CDSN: variants seen among roughly 807,000 people sequenced by gnomAD.
CDSN encodes the protein corneodesmosin.
A neutral mutation model predicts 25.6 loss-of-function variants in CDSN; 11 were observed. The observed-to-expected ratio is 0.43, with a 90% CI of 0.27 to 0.71. The LOEUF is 0.71. Ranked by LOEUF, CDSN falls within the 30% of genes least tolerant of loss-of-function variation. The probability of loss-of-function intolerance (pLI) is 0.20; values close to 1 mark genes in which losing one functional copy is unlikely to be tolerated. For missense variants in CDSN, 598 were observed against 670.9 expected, an observed-to-expected ratio of 0.89 and a Z score of 1.20; for synonymous variants, 266 against 267.4, an observed-to-expected ratio of 0.99 and a Z score of 0.05.
rs773294517 is a variant in CDSN at position 31,116,398 on chromosome 6, C to G, written c.1217G>C (p.Ser406Thr). The change falls in exon 2 of 2, where the codon AGC (serine) becomes ACC (threonine). Residue 406 changes from serine to threonine, a missense_variant. Coordinates refer to ENST00000376288, the MANE Select transcript of CDSN (RefSeq NM_001264.5). The part of the protein sequence containing the change: ...SRVPSSSSIS[S>T]SSGLPYHPCG... Reference sequence around the variant, plus strand: ...GGGATGGTAGGGTAAACCGGAGCTGCTGGAAATGCTAGAACTGCTGGGGAC... The same window carrying G: ...GGGATGGTAGGGTAAACCGGAGCTGGTGGAAATGCTAGAACTGCTGGGGAC... 1.3e-5 allele frequency: 20 copies of G among 1,599,108 alleles called. No homozygotes were observed. The highest frequency in any genetic ancestry group is 1.7e-5 in the Non-Finnish European group (20 of 1,172,882).
In CDSN at chr6:31,116,725, T is replaced by C; in HGVS notation, c.890A>G (p.Glu297Gly). Reference protein sequence around the residue: ...TSVDKSYGGYEVVGGSSDSYL... With the variant: ...TSVDKSYGGYGVVGGSSDSYL... ...ACTGTCAGAGGAGCCACCCACCACC[T>C]CGTAGCCACCATAGGATTTGTCTAC... The change falls in exon 2 of 2, where the codon GAG becomes GGG. Residue 297 changes from glutamate to glycine, a missense_variant. By Grantham distance (98) the Glu-to-Gly change is moderately conservative. Coordinates refer to ENST00000376288, the MANE Select transcript of CDSN (RefSeq NM_001264.5). 1.2e-6 allele frequency: 2 copies of C among 1,612,824 alleles called. No individual in the cohort carries two copies. The highest frequency in any genetic ancestry group is 1.7e-6 in the Non-Finnish European group (2 of 1,180,000).
intron 1 of CDSN, among the ~76,000 whole-genome samples, chr6:31,119,750 A>AG (rs1772362274): frequency 2.0e-5 from 3 of 151,664 alleles, no homozygotes; most frequent in South Asian, 2.1e-4. Flanking sequence ...ATACAAAAAA[A>AG]AGAAAATTAG....
In CDSN at chr6:31,115,845, G is replaced by A. The variant is rs1772078655; in HGVS notation, c.*180C>T. 12 of 602,062 alleles carry A rather than the reference G, an allele frequency of 2.0e-5. No individual in the cohort carries two copies. The highest frequency in any genetic ancestry group is 3.3e-5 in the Non-Finnish European group (11 of 335,984). 37.3% of individuals were successfully genotyped at this position (602,062 alleles called of 1,614,324 possible). ...AATCTACCATTTTGAGAAGAGGAAGGAGGAAGGGGTGATAAGAGAGAGTCT... is the reference window on the plus strand; with the variant it reads ...AATCTACCATTTTGAGAAGAGGAAGAAGGAAGGGGTGATAAGAGAGAGTCT... On this transcript the variant is annotated 3_prime_UTR_variant, in exon 2 of 2. Transcript: ENST00000376288. The surrounding 1 kb of genome is among the most constrained non-coding windows in gnomAD (Gnocchi z 4.2).
chr6:31,119,648 C>T (rs1772355949), intron 1 of CDSN, among the ~76,000 whole-genome samples: 1 of 152,338 alleles, frequency 6.6e-6, no homozygotes, highest in Non-Finnish European at 1.5e-5. Context: ...CCTGTAATCC[C>T]AGCACCTTGG....
In CDSN at chr6:31,117,050, G is replaced by A. The variant is rs750948555; in HGVS notation, c.565C>T (p.Pro189Ser). The A allele has an allele frequency of 1.2e-6, 2 of 1,614,258 alleles. No homozygotes were observed. The highest frequency in any genetic ancestry group is 8.5e-7 in the Non-Finnish European group (1 of 1,180,048). The change falls in exon 2 of 2, where the codon CCT becomes TCT. Residue 189 changes from proline to serine, a missense_variant. Transcript: ENST00000376288. ...NDNSYRGILN[P>S]SQPGQSSSSS... ...GAAGAGCTTTGTCCAGGCTGGGAAG[G>A]GTTTAGTATTCCGCGGTAAGAGTTG...
In CDSN at chr6:31,117,328, C is replaced by T; in HGVS notation, c.287G>A (p.Ser96Asn). 1.9e-6 allele frequency: 3 copies of T among 1,576,952 alleles called. No homozygotes were observed. The highest frequency in any genetic ancestry group is 2.6e-6 in the Non-Finnish European group (3 of 1,161,184). ...TCCTGCAGAACCACCCTGGGCAATGCTGGATCCGCTGGAGCTACCACTGGA... is the reference window on the plus strand; with the variant it reads ...TCCTGCAGAACCACCCTGGGCAATGTTGGATCCGCTGGAGCTACCACTGGA... ...GGSSGSSSGS[S>N]IAQGGSAGSF... The change falls in exon 2 of 2, where the codon AGC becomes AAC. Residue 96 changes from serine (S) to asparagine (N), a missense_variant. Transcript: ENST00000376288.
rs1772205687 is a variant in CDSN, at chr6:31,117,300, A to G, written c.315T>C (p.Ser105=). 1 of 1,589,862 alleles carries G rather than the reference A, an allele frequency of 6.3e-7. No individual in the cohort carries two copies. Among genetic ancestry groups the G allele is most frequent in the Non-Finnish European group, 8.6e-7 (1 of 1,167,396 alleles). Reference sequence around the variant, plus strand: ...GGGAATACCCCGTTCCTGGCTTAAAAGATCCTGCAGAACCACCCTGGGCAA... The same window carrying G: ...GGGAATACCCCGTTCCTGGCTTAAAGGATCCTGCAGAACCACCCTGGGCAA... ...SSIAQGGSAG[S]FKPGTGYSQV... Residue 105 remains serine, a synonymous_variant, in exon 2 of 2, where the codon TCT becomes TCC. Transcript: ENST00000376288.
chr6:31,117,917 A>G (rs1350517891), intron 1 of CDSN: 2 of 233,084 alleles, frequency 8.6e-6, no homozygotes, highest in South Asian at 6.8e-5. Flanking sequence ...TGGGCAACAT[A>G]GACCCCGTCT....
chr6:31,118,123 G>A (rs913053378), intron 1 of CDSN: 4 of 154,340 alleles, frequency 2.6e-5, no homozygotes, highest in Admixed American at 6.4e-5. Context: ...AAGACAAAAG[G>A]CAAAACAATG....
In CDSN at chr6:31,115,706, C is replaced by T. The variant is rs1296250288; in HGVS notation, c.*319G>A. ...TTGAGAAGCTGATGGGGGTGTTACT[C>T]AATGGACCATTTCCACACAGTAGAG... On this transcript the variant is annotated 3_prime_UTR_variant, in exon 2 of 2. Transcript: ENST00000376288. This position sits in a 1 kb window ranked among gnomAD's most constrained non-coding sequence, Gnocchi z 4.2. The T allele has an allele frequency of 1.7e-5, 7 of 409,070 alleles. No individual in the cohort carries two copies. Among genetic ancestry groups the T allele is most frequent in the Non-Finnish European group, 1.3e-5 (3 of 229,106 alleles). The allele number at this position is 409,070 out of a possible 1,614,324, so 25.3% of individuals were successfully genotyped here.
intron 1 of CDSN, 50 bp from the exon 2 acceptor site, chr6:31,117,579 C>G: frequency 1.3e-6 from 2 of 1,485,612 alleles, no homozygotes; most frequent in Non-Finnish European, 1.8e-6. Context: ...TTGGCTTCCT[C>G]CCTCACCTTT....
At chr6:31,119,419 G>A (rs1772344010) in intron 1 of CDSN, among the ~76,000 whole-genome samples, 2 of 152,170 alleles carry the variant, frequency 1.3e-5, no homozygotes, top group African/African-American at 4.8e-5. Context: ...TTCCTCAAGG[G>A]CTATAAGTAC....
chr6:31,116,898 G>A lies in CDSN; in HGVS notation c.717C>T (p.Tyr239=). Reference sequence around the variant, plus strand: ...CTGACACAGAGTGGGAGCTGGGGATGTAGGGGCCGGAGTGCGAGACGATGG... The same window carrying A: ...CTGACACAGAGTGGGAGCTGGGGATATAGGGGCCGGAGTGCGAGACGATGG... ...GGPIVSHSGP[Y]IPSSHSVSGG... Residue 239 remains tyrosine (Y), a synonymous_variant, in exon 2 of 2, where the codon TAC becomes TAT. Coordinates refer to ENST00000376288, the MANE Select transcript of CDSN (RefSeq NM_001264.5). 3 of 1,614,102 alleles carry A rather than the reference G, an allele frequency of 1.9e-6. No individual in the cohort carries two copies. The highest frequency in any genetic ancestry group is 2.5e-6 in the Non-Finnish European group (3 of 1,179,956).
Position 31,117,248 on chromosome 6 carries a change from A to T in CDSN, c.367T>A (p.Ser123Thr). ...GAACCGGATGCACCTTGTAGACTAG[A>T]GCCAGATCCGGAGGAGTAGCTGACC... ...SQVSYSSGSG[S>T]SLQGASGSSQ... The change falls in exon 2 of 2, where the codon TCT becomes ACT. Residue 123 changes from serine to threonine, a missense_variant. By Grantham distance (58) the Ser-to-Thr change is moderately conservative (BLOSUM62 1). Transcript: ENST00000376288. 6.2e-7 allele frequency: 1 copy of T among 1,611,666 alleles called. No individual in the cohort carries two copies. The highest frequency in any genetic ancestry group is 8.5e-7 in the Non-Finnish European group (1 of 1,178,666).
Position 31,117,286 on chromosome 6 carries a change from G to T in CDSN, c.329C>A (p.Thr110Lys). Residue 110 changes from threonine (T) to lysine (K), a missense_variant, in exon 2 of 2, where the codon ACG becomes AAG. Thr to Lys is a moderately conservative substitution (Grantham distance 78). Transcript: ENST00000376288. ...GGAGTAGCTGACCTGGGAATACCCC[G>T]TTCCTGGCTTAAAAGATCCTGCAGA... is the stretch of plus-strand genomic sequence containing the variant. Reference protein sequence around the residue: ...GGSAGSFKPGTGYSQVSYSSG... With the variant: ...GGSAGSFKPGKGYSQVSYSSG... 1 of 1,598,530 alleles carries T rather than the reference G, an allele frequency of 6.3e-7. No individual in the cohort carries two copies. The highest frequency in any genetic ancestry group is 1.7e-5 in the Admixed American group (1 of 58,406).
At chr6:31,119,222 G>C (rs1431913629) in intron 1 of CDSN, among the ~76,000 whole-genome samples, 2 of 152,076 alleles carry the variant, frequency 1.3e-5, no homozygotes, top group African/African-American at 2.4e-5. Context: ...CCAACAACCA[G>C]ACTGCCATCC....
chr6:31,119,627 G>C (rs1326790678), intron 1 of CDSN, among the ~76,000 whole-genome samples: 1 of 152,226 alleles, frequency 6.6e-6, no homozygotes, highest in Non-Finnish European at 1.5e-5. Flanking sequence ...GGCCGGGTGT[G>C]GTGGCTCATG....
rs1482686728 is a variant in CDSN at position 31,117,257 on chromosome 6, C to T, written c.358G>A (p.Gly120Arg). Reference sequence around the variant, plus strand: ...GCACCTTGTAGACTAGAGCCAGATCCGGAGGAGTAGCTGACCTGGGAATAC... The same window carrying T: ...GCACCTTGTAGACTAGAGCCAGATCTGGAGGAGTAGCTGACCTGGGAATAC... Reference protein sequence around the residue: ...TGYSQVSYSSGSGSSLQGASG... With the variant: ...TGYSQVSYSSRSGSSLQGASG... The change falls in exon 2 of 2, where the codon GGA becomes AGA. Residue 120 changes from glycine (G) to arginine (R), a missense_variant. Coordinates refer to ENST00000376288, the MANE Select transcript of CDSN (RefSeq NM_001264.5). The T allele has an allele frequency of 5.6e-6, 9 of 1,609,736 alleles. No individual in the cohort carries two copies. The Admixed American group carries it at 1.0e-4, about 18-fold the overall frequency.
In CDSN at chr6:31,115,182, G is replaced by A. The variant is rs1055211121; in HGVS notation, c.*843C>T. On this transcript the variant is annotated 3_prime_UTR_variant, in exon 2 of 2. Coordinates refer to ENST00000376288, the MANE Select transcript of CDSN (RefSeq NM_001264.5). This position sits in a 1 kb window ranked among gnomAD's most constrained non-coding sequence, Gnocchi z 4.2. The stretch of plus-strand genomic sequence containing the variant: ...CAGCCCGCTTTTGAAGGAAAATGAG[G>A]AACACAGAGACCTCTAGAGGCGTAG... The A allele has an allele frequency of 1.2e-5, 4 of 336,360 alleles. No homozygotes were observed. The highest frequency in any genetic ancestry group is 2.3e-5 in the Non-Finnish European group (4 of 172,976). The allele number at this position is 336,360 out of a possible 1,614,324, so 20.8% of individuals were successfully genotyped here.
Sources: gnomAD v4.1 joint callset for allele counts (sites outside exome capture counted in the v4.1 genomes callset) on GRCh38, gnomAD v4.1.1 for gene constraint, Gnocchi (gnomAD v3.1) non-coding constraint, MANE v1.5 for transcripts, NCBI Gene and HGNC (gene_info 2026-07-23, HGNC 2026-07-21) for gene names.